Variants in LARS1 observed in about 807,000 individuals in gnomAD.
LARS1 encodes leucine--tRNA ligase, cytoplasmic.
LARS1 carries 100 observed loss-of-function variants against 162.8 expected under a neutral mutation model. The observed-to-expected ratio is 0.61, with a 90% CI of 0.52 to 0.73. The LOEUF (loss-of-function observed/expected upper bound fraction) is 0.73. Ranked by LOEUF, LARS1 falls within the 30% of genes least tolerant of loss-of-function variation. LARS1 has a pLI of 0.00. For missense variants in LARS1, 1,258 were observed against 1,408.9 expected, an observed-to-expected ratio of 0.89 and a Z score of 1.71; for synonymous variants, 457 against 462.8, an observed-to-expected ratio of 0.99 and a Z score of 0.16.
intron 6 of LARS1, among the ~76,000 whole-genome samples, chr5:146,161,354 CCATT>C (rs1313567378): frequency 6.6e-6 from 1 of 152,108 alleles, no homozygotes; most frequent in Non-Finnish European, 1.5e-5. Context: ...TTTGCCACAT[CCATT>C]GACTCTTCCT....
intron 8 of LARS1, among the ~76,000 whole-genome samples, chr5:146,159,163 G>A (rs969194919): frequency 3.3e-5 from 5 of 151,926 alleles, no homozygotes; most frequent in Admixed American, 2.6e-4. Context: ...TTGGGGTGAG[G>A]CTAAACAATG....
chr5:146,152,675 A>G (rs2126518231), intron 13 of LARS1, among the ~76,000 whole-genome samples: 2 of 152,328 alleles, frequency 1.3e-5, no homozygotes, highest in Middle Eastern at 6.8e-3. Flanking sequence ...GATGTAAACA[A>G]CTAGATTCAT....
chr5:146,144,379 T>C, intron 17 of LARS1, 30 bp from the exon 18 acceptor site: 1 of 1,597,780 alleles, frequency 6.3e-7, no homozygotes, highest in Non-Finnish European at 8.5e-7. Flanking sequence ...AAAGTGTATC[T>C]TTACTGGTTC....
intron 2 of LARS1, among the ~76,000 whole-genome samples, 168 bp from the exon 3 acceptor site, chr5:146,172,942 G>A (rs1754343267): frequency 1.3e-5 from 2 of 152,118 alleles, no homozygotes. Context: ...CTCTAAAATT[G>A]AAAATTACTT....
intron 14 of LARS1, among the ~76,000 whole-genome samples, chr5:146,150,626 C>CA (rs71581862): frequency 0.032 from 2,199 of 68,682 alleles, 61 homozygotes; most frequent in African/African-American, 0.1. Flanking sequence ...GACTCCGTCT[C>CA]AAAAAAAAAA....
intron 1 of LARS1, among the ~76,000 whole-genome samples, chr5:146,180,822 A>G (rs544713048): frequency 6.6e-6 from 1 of 152,188 alleles, no homozygotes; most frequent in Non-Finnish European, 1.5e-5. Context: ...TAACTAAATC[A>G]GAGTTCCTAA....
rs565406235 is a variant in LARS1, at chr5:146,115,257, A to G, written c.3326-946T>C. Among the ~76,000 whole-genome samples the G allele has an allele frequency of 4.6e-5, 7 of 152,202 alleles. No homozygotes were observed. The South Asian group carries it at 1.5e-3, about 32-fold the overall frequency. ...TTTATATGCTTCAATTAACCATTGT[A>G]CAGAATATCGAAAAATCTAAAACTT... On this transcript the variant is annotated intron_variant, in intron 31 of 31. Transcript: ENST00000394434.
intron 10 of LARS1, among the ~76,000 whole-genome samples, chr5:146,155,895 G>C (rs1484664759): frequency 6.6e-6 from 1 of 152,116 alleles, no homozygotes; most frequent in Non-Finnish European, 1.5e-5. Flanking sequence ...GCTTTTAAAA[G>C]AAAAAGGCAG....
intron 21 of LARS1, chr5:146,137,809 C>A: frequency 3.5e-6 from 1 of 289,688 alleles, no homozygotes; most frequent in Non-Finnish European, 6.8e-6. Flanking sequence ...GCAATGTCTC[C>A]AGAACACACA....
chr5:146,164,318 C>G lies in LARS1; in HGVS notation c.586G>C (p.Gly196Arg). 6.2e-7 allele frequency: 1 copy of G among 1,613,848 alleles called. No individual in the cohort carries two copies. The highest frequency in any genetic ancestry group is 8.5e-7 in the Non-Finnish European group (1 of 1,179,836). ...TTCCTTTATAGACATACCTTCAAACCCATTCTTTTTAAATCCTGAATAGCC... is the reference window on the plus strand; with the variant it reads ...TTCCTTTATAGACATACCTTCAAACGCATTCTTTTTAAATCCTGAATAGCC... ...PLAIQDLKRM[G>R]LKVDWRRSFI... The change falls in exon 6 of 32, where the codon GGT becomes CGT. Residue 196 changes from glycine to arginine, a missense_variant. Gly to Arg is a moderately radical substitution (Grantham distance 125). Transcript: ENST00000394434.
Position 146,174,546 on chromosome 5 carries a change from G to GTA in LARS1, c.126-1774_126-1773dup, listed in dbSNP as rs1401928973. 7.4e-5 allele frequency among the ~76,000 whole-genome samples: 5 copies of GTA among 67,336 alleles called. 2 individuals are homozygous for GTA. Among genetic ancestry groups the GTA allele is most frequent in the Admixed American group, 2.4e-4 (1 of 4,246 alleles). The allele number at this position is 67,336 out of a possible 152,430, so 44.2% of individuals were successfully genotyped here. A position where few individuals can be genotyped will look rare whatever the true frequency, so the allele number is the denominator to read the frequency against. ...CATATATATATATATATCCATATAT[G>GTA]TATATATCCATATATATATATATCC... On this transcript the variant is annotated intron_variant, in intron 2 of 31. Transcript: ENST00000394434.
intron 21 of LARS1, among the ~76,000 whole-genome samples, chr5:146,136,698 T>G (rs1344417977): frequency 6.6e-6 from 1 of 151,986 alleles, no homozygotes; most frequent in Non-Finnish European, 1.5e-5. Flanking sequence ...GTCAGGCTGG[T>G]CTCTAACTCC....
chr5:146,178,047 G>A (rs892266245), intron 1 of LARS1, among the ~76,000 whole-genome samples: 7 of 151,610 alleles, frequency 4.6e-5, no homozygotes, highest in Non-Finnish European at 8.8e-5. Flanking sequence ...GCAGTGAGCC[G>A]AGATCATGCC....
At chr5:146,155,809 T>A (rs1394843000) in intron 10 of LARS1, among the ~76,000 whole-genome samples, 1 of 152,264 alleles carries the variant, frequency 6.6e-6, no homozygotes, top group Non-Finnish European at 1.5e-5. Flanking sequence ...GGAAAACATG[T>A]ATGTCCCTAA....
chr5:146,144,133 T>C (rs567918049), intron 18 of LARS1, 134 bp downstream of exon 18: 29 of 658,770 alleles, frequency 4.4e-5, no homozygotes, highest in Non-Finnish European at 6.9e-5. Context: ...CTAGTTTTCA[T>C]GACCATCCAG....
chr5:146,127,477 C>G (rs1293141793), intron 27 of LARS1, among the ~76,000 whole-genome samples: 2 of 151,900 alleles, frequency 1.3e-5, no homozygotes, highest in Non-Finnish European at 2.9e-5. Context: ...CCAAAAGATA[C>G]CACTGTTTTC....
rs543469203 is a variant in LARS1, at chr5:146,176,506, T to A, written c.125+1041A>T. 2.8e-4 allele frequency among the ~76,000 whole-genome samples: 43 copies of A among 151,158 alleles called. 2 individuals are homozygous for A. In the South Asian group the frequency reaches 8.4e-3, roughly 29 times the overall value. On this transcript the variant is annotated intron_variant, in intron 2 of 31. Coordinates refer to ENST00000394434, the MANE Select transcript of LARS1 (RefSeq NM_020117.11). Reference sequence around the variant, plus strand: ...AGAAGATTAAATGAGAGTATACATGTAAAAAAATTTGCTAGCACATTTGCT... The same window carrying A: ...AGAAGATTAAATGAGAGTATACATGAAAAAAAATTTGCTAGCACATTTGCT...
At chr5:146,168,369 C>G in intron 4 of LARS1, 104 bp from the exon 5 acceptor site, 1 of 1,252,488 alleles carries the variant, frequency 8.0e-7, no homozygotes, top group Non-Finnish European at 1.1e-6. Context: ...AAATTTTTTG[C>G]AATATATTGA....
chr5:146,131,178 G>A, intron 23 of LARS1, 69 bp from the exon 24 acceptor site: 1 of 630,152 alleles, frequency 1.6e-6, no homozygotes, highest in Non-Finnish European at 2.6e-6. Flanking sequence ...AAAAACTGCT[G>A]CATACACAAA....
Sources: allele counts gnomAD v4.1 joint callset (sites outside exome capture counted in the v4.1 genomes callset), GRCh38; gene constraint gnomAD v4.1.1; transcripts MANE v1.5; gene names NCBI Gene and HGNC (gene_info 2026-07-23, HGNC 2026-07-21).